The following FBXO6 variants were observed in gnomAD, a reference collection of about 807,000 sequenced individuals.
The protein encoded by FBXO6 is F-box protein 6, also known as F-box only protein 6.
Under a neutral mutation model 25.0 loss-of-function variants are expected in FBXO6, and 13 were observed. That is an observed-to-expected ratio of 0.52 (90% CI 0.34 to 0.83). The LOEUF is 0.83. Ranked by LOEUF, FBXO6 falls within the 40% of genes least tolerant of loss-of-function variation. FBXO6 has a pLI of 0.02. For synonymous variants in FBXO6, 138 were observed against 155.3 expected, an observed-to-expected ratio of 0.89 and a Z score of 0.83; for missense variants, 370 against 380.2, an observed-to-expected ratio of 0.97 and a Z score of 0.22.
At chr1:11,665,231 T>TTC in intron 1 of FBXO6, among the ~76,000 whole-genome samples, 1 of 126,556 alleles carries the variant, frequency 7.9e-6, no homozygotes, top group East Asian at 2.2e-4. Flanking sequence ...TTTTTTTTTT[T>TTC]TTTTTTTTTT....
In FBXO6 at chr1:11,671,263, T is replaced by C. The variant is rs778490706; in HGVS notation, c.287-3T>C. Reference sequence around the variant, plus strand: ...GTCTCACCTTGGCTTCTGTTCTTCCTAGAGGATATGTTTGCATGGCAAATT... The same window carrying C: ...GTCTCACCTTGGCTTCTGTTCTTCCCAGAGGATATGTTTGCATGGCAAATT... On this transcript the variant is annotated splice_region_variant and splice_polypyrimidine_tract_variant and intron_variant, in intron 2 of 5. Coordinates refer to ENST00000376753, the MANE Select transcript of FBXO6 (RefSeq NM_018438.6). 2.2e-5 allele frequency: 36 copies of C among 1,613,452 alleles called. No individual in the cohort carries two copies. The highest frequency in any genetic ancestry group is 3.0e-5 in the Non-Finnish European group (35 of 1,179,696).
intron 1 of FBXO6, 35 bp downstream of exon 1, chr1:11,664,290 CCGAGAGG>C (rs1195535460): frequency 6.6e-6 from 1 of 151,884 alleles, no homozygotes; most frequent in Non-Finnish European, 1.5e-5. Flanking sequence ...AGGGGCCGGG[CCGAGAGG>C]GACGGCAGCG....
At chr1:11,672,452 A>ATC (rs1640643950) in intron 4 of FBXO6, among the ~76,000 whole-genome samples, 1 of 151,306 alleles carries the variant, frequency 6.6e-6, no homozygotes, top group Admixed American at 6.6e-5. Flanking sequence ...ACACCCGGCT[A>ATC]TTTTTTTTTA....
intron 4 of FBXO6, among the ~76,000 whole-genome samples, chr1:11,672,592 T>A (rs1640650464): frequency 1.3e-5 from 2 of 152,318 alleles, no homozygotes; most frequent in Non-Finnish European, 2.9e-5. Context: ...GCCCAGCCAC[T>A]GTGCACTGAC....
Position 11,668,682 on chromosome 1 carries a change from A to T in FBXO6, c.24A>T (p.Ala8=). The T allele has an allele frequency of 6.2e-7, 1 of 1,612,616 alleles. No homozygotes were observed. The highest frequency in any genetic ancestry group is 8.5e-7 in the Non-Finnish European group (1 of 1,178,810). The stretch of plus-strand genomic sequence containing the variant: ...CCATGGATGCTCCCCACTCCAAAGC[A>T]GCCCTGGACAGCATTAACGAGCTGC... MDAPHSK[A]ALDSINELPE... The change falls in exon 2 of 6, where the codon GCA becomes GCT. Residue 8 remains alanine, a synonymous_variant. Coordinates refer to ENST00000376753, the MANE Select transcript of FBXO6 (RefSeq NM_018438.6).
rs1640682667 is a variant in FBXO6, at chr1:11,673,374, G to A, written c.607G>A (p.Val203Met). 1 of 1,613,952 alleles carries A rather than the reference G, an allele frequency of 6.2e-7. No homozygotes were observed. Among genetic ancestry groups the A allele is most frequent in the Admixed American group, 1.7e-5 (1 of 59,998 alleles). Residue 203 changes from valine to methionine, a missense_variant, in exon 5 of 6, where the codon GTG becomes ATG. Coordinates refer to ENST00000376753, the MANE Select transcript of FBXO6 (RefSeq NM_018438.6). The surrounding 1 kb of genome is among the most constrained non-coding windows in gnomAD (Gnocchi z 4.3). ...FVLASFEPPPVTIQQWNNATW... is the reference protein window; with the variant it reads ...FVLASFEPPPMTIQQWNNATW... The stretch of plus-strand genomic sequence containing the variant: ...GTTGGCCTCCTTCGAGCCCCCACCT[G>A]TGACCATCCAACAGTGGAACAATGC...
intron 2 of FBXO6, among the ~76,000 whole-genome samples, chr1:11,669,505 T>A (rs1399325392): frequency 1.6e-5 from 2 of 126,314 alleles, no homozygotes; most frequent in Non-Finnish European, 3.5e-5. Context: ...AATTTCCTTA[T>A]TTTTTTCTGC....
At position 11,671,383 on chromosome 1, in the gene FBXO6, C is replaced by T. The variant is rs779768582; in HGVS notation, c.404C>T (p.Thr135Ile). 1.2e-6 allele frequency: 2 copies of T among 1,613,844 alleles called. No individual in the cohort carries two copies. The highest frequency in any genetic ancestry group is 4.5e-5 in the East Asian group (2 of 44,894). ...PDPKVKKYFV[T>I]SYEMCLKSQL... ...CCCAAAGTCAAGAAGTATTTTGTCACATCCTACGAGTAAGGCAAACTGAAC... is the reference window on the plus strand; with the variant it reads ...CCCAAAGTCAAGAAGTATTTTGTCATATCCTACGAGTAAGGCAAACTGAAC... The change falls in exon 3 of 6, where the codon ACA becomes ATA. Residue 135 changes from threonine (T) to isoleucine (I), a missense_variant. Physicochemically the swap from Thr to Ile is moderately conservative, Grantham distance 89. Transcript: ENST00000376753.
Position 11,668,913 on chromosome 1 carries a change from T to C in FBXO6, c.255T>C (p.His85=), listed in dbSNP as rs138242981. The change falls in exon 2 of 6, where the codon CAT becomes CAC. Residue 85 remains histidine (H), a synonymous_variant. Transcript: ENST00000376753. ...WKIFYFLRSL[H]RNLLRNPCAE... is the part of the protein sequence containing the mutation. Reference sequence around the variant, plus strand: ...TCTTCTACTTCCTACGGAGCCTGCATAGGAACCTCCTGCGCAACCCGTGTG... The same window carrying C: ...TCTTCTACTTCCTACGGAGCCTGCACAGGAACCTCCTGCGCAACCCGTGTG... The C allele has an allele frequency of 4.9e-5, 79 of 1,614,042 alleles. 1 individual carries two copies. In the African/African-American group the frequency reaches 8.1e-4, roughly 17 times the overall value.
intron 1 of FBXO6, among the ~76,000 whole-genome samples, chr1:11,667,571 G>A (rs1640476745): frequency 6.6e-6 from 1 of 151,814 alleles, no homozygotes; most frequent in Non-Finnish European, 1.5e-5. Flanking sequence ...TTCAAACCCA[G>A]GCAGTCTTCT....
Position 11,673,535 on chromosome 1 carries a change from G to T in FBXO6, c.646-80G>T. On this transcript the variant is annotated intron_variant, in intron 5 of 5. Coordinates refer to ENST00000376753, the MANE Select transcript of FBXO6 (RefSeq NM_018438.6). This position sits in a 1 kb window ranked among gnomAD's most constrained non-coding sequence, Gnocchi z 4.3. ...CCTGGAGCTGTTGCCTTCCAGCCTGGGCAGCTCTCTTAGAGGACCTGGCTC... is the reference window on the plus strand; with the variant it reads ...CCTGGAGCTGTTGCCTTCCAGCCTGTGCAGCTCTCTTAGAGGACCTGGCTC... 6.4e-7 allele frequency: 1 copy of T among 1,572,352 alleles called. No individual in the cohort carries two copies. Among genetic ancestry groups the T allele is most frequent in the Non-Finnish European group, 8.7e-7 (1 of 1,153,404 alleles).
rs1292113200 is a variant in FBXO6, at chr1:11,668,911, C to G, written c.253C>G (p.His85Asp). The G allele has an allele frequency of 6.2e-7, 1 of 1,614,018 alleles. No homozygotes were observed. Among genetic ancestry groups the G allele is most frequent in the African/African-American group, 1.3e-5 (1 of 74,930 alleles). ...AATCTTCTACTTCCTACGGAGCCTG[C>G]ATAGGAACCTCCTGCGCAACCCGTG... ...WKIFYFLRSL[H>D]RNLLRNPCAE... is the part of the protein sequence containing the mutation. Residue 85 changes from histidine (H) to aspartate (D), a missense_variant, in exon 2 of 6, where the codon CAT (histidine) becomes GAT (aspartate). Transcript: ENST00000376753.
At position 11,671,473 on chromosome 1, in the gene FBXO6, T is replaced by C; in HGVS notation, c.413+81T>C. ...CTTTGCCAAGTCTCAGGCAAAGTCTTCCTAAGGGAAGTCCTCTCTGCGAAG... is the reference window on the plus strand; with the variant it reads ...CTTTGCCAAGTCTCAGGCAAAGTCTCCCTAAGGGAAGTCCTCTCTGCGAAG... On this transcript the variant is annotated intron_variant, in intron 3 of 5. Transcript: ENST00000376753. 1.9e-6 allele frequency: 3 copies of C among 1,568,290 alleles called. No homozygotes were observed. In the East Asian group the frequency reaches 6.8e-5, roughly 36 times the overall value.
intron 4 of FBXO6, 57 bp downstream of exon 4, chr1:11,672,080 G>A (rs1193638462): frequency 2.7e-6 from 4 of 1,464,674 alleles, no homozygotes; most frequent in Non-Finnish European, 2.9e-6. Context: ...TTACTGCGCT[G>A]CATGTACGTG....
At chr1:11,669,687 CGT>C (rs1557673032) in intron 2 of FBXO6, among the ~76,000 whole-genome samples, 16 of 132,580 alleles carry the variant, frequency 1.2e-4, no homozygotes, top group African/African-American at 5.9e-4. Context: ...CACATATATA[CGT>C]ATATATACAT....
At chr1:11,672,045 T>C (rs1017950631) in intron 4 of FBXO6, 22 bp downstream of exon 4, 4 of 1,591,788 alleles carry the variant, frequency 2.5e-6, no homozygotes, top group Admixed American at 1.7e-5. Flanking sequence ...CCATGGCCTG[T>C]GTCCCCACAC....
chr1:11,669,241 G>A (rs935585447), intron 2 of FBXO6, among the ~76,000 whole-genome samples: 2 of 152,110 alleles, frequency 1.3e-5, no homozygotes, highest in Admixed American at 6.6e-5. Flanking sequence ...CGAGATGGGC[G>A]GATCACCTGA....
rs1640677745 is a variant in FBXO6, at chr1:11,673,270, C to T, written c.510-7C>T. The stretch of plus-strand genomic sequence containing the variant: ...CTTGGACACAGGGCTCTCAACCCCT[C>T]CACCAGGTTTGCTGCCAGAGCCGAC... On this transcript the variant is annotated splice_region_variant and splice_polypyrimidine_tract_variant and intron_variant, in intron 4 of 5. Coordinates refer to ENST00000376753, the MANE Select transcript of FBXO6 (RefSeq NM_018438.6). This position sits in a 1 kb window ranked among gnomAD's most constrained non-coding sequence, Gnocchi z 4.3. 1 of 1,610,570 alleles carries T rather than the reference C, an allele frequency of 6.2e-7. No homozygotes were observed. The highest frequency in any genetic ancestry group is 8.5e-7 in the Non-Finnish European group (1 of 1,178,278).
At position 11,671,783 on chromosome 1, in the gene FBXO6, G is replaced by T. The variant is rs1640621792; in HGVS notation, c.414-145G>T. 4.2e-6 allele frequency: 3 copies of T among 719,606 alleles called. No individual in the cohort carries two copies. In the Admixed American group the frequency reaches 6.4e-5, roughly 15 times the overall value. 44.6% of individuals were successfully genotyped at this position (719,606 alleles called of 1,614,324 possible). ...GGAGGAAAAGCCAGAGTCAGCCCCA[G>T]CCAGTGCCTGTCCCGCAGCGGCCAA... On this transcript the variant is annotated intron_variant, in intron 3 of 5. Coordinates refer to ENST00000376753, the MANE Select transcript of FBXO6 (RefSeq NM_018438.6).
Sources: allele counts gnomAD v4.1 joint callset (sites outside exome capture counted in the v4.1 genomes callset), GRCh38; gene constraint gnomAD v4.1.1; non-coding constraint Gnocchi (gnomAD v3.1); transcripts MANE v1.5; gene names NCBI Gene and HGNC (gene_info 2026-07-23, HGNC 2026-07-21).